The following EPN2 variants were observed in gnomAD, a reference collection of about 807,000 sequenced individuals.
EPN2 encodes epsin 2.
EPN2 carries 34 observed loss-of-function variants against 61.7 expected under a neutral mutation model. The ratio of observed to expected loss-of-function variants is 0.55; its 90% CI spans 0.42 to 0.73. The LOEUF is 0.73. Ranked by LOEUF, EPN2 falls within the 30% of genes least tolerant of loss-of-function variation. The pLI is 0.00. For missense variants in EPN2, 714 were observed against 839.2 expected, an observed-to-expected ratio of 0.85 and a Z score of 1.84; for synonymous variants, 349 against 353.6, an observed-to-expected ratio of 0.99 and a Z score of 0.15.
In EPN2 at chr17:19,283,242, C is replaced by G. The variant is rs115073761; in HGVS notation, c.123C>G (p.Thr41=). 1.2e-6 allele frequency: 2 copies of G among 1,614,128 alleles called. No individual in the cohort carries two copies. ...DPWGPSSSLM[T]EIADLTYNVV... is the part of the protein sequence containing the mutation. ...GGGGCCCGTCCAGTTCTCTGATGAC[C>G]GAGATTGCCGACCTGACCTACAACG... is the stretch of plus-strand genomic sequence containing the variant. The change falls in exon 3 of 11, where the codon ACC becomes ACG. Residue 41 remains threonine, a synonymous_variant. Coordinates refer to ENST00000314728, the MANE Select transcript of EPN2 (RefSeq NM_014964.5). This position sits in a 1 kb window ranked among gnomAD's most constrained non-coding sequence, Gnocchi z 7.0.
chr17:19,331,665 T>G (rs1295651039), intron 9 of EPN2, among the ~76,000 whole-genome samples, 188 bp from the exon 10 acceptor site: 1 of 152,256 alleles, frequency 6.6e-6, no homozygotes, highest in Admixed American at 6.5e-5. Context: ...GGTATTCTTC[T>G]GTTCCTGCAT....
At chr17:19,329,413 C>T in intron 8 of EPN2, 148 bp from the exon 9 acceptor site, 1 of 613,430 alleles carries the variant, frequency 1.6e-6, no homozygotes, top group Non-Finnish European at 2.9e-6. Context: ...TGTCTTGCCT[C>T]TTTGGCTCTC....
intron 1 of EPN2, among the ~76,000 whole-genome samples, chr17:19,261,180 C>T (rs2045137748): frequency 6.6e-6 from 1 of 152,208 alleles, no homozygotes; most frequent in African/African-American, 2.4e-5. Flanking sequence ...TGCCCAGTTG[C>T]CCTCTACAGG....
At chr17:19,247,125 G>T (rs2152200777) in intron 1 of EPN2, among the ~76,000 whole-genome samples, 1 of 152,206 alleles carries the variant, frequency 6.6e-6, no homozygotes, top group Non-Finnish European at 1.5e-5. Flanking sequence ...ACTATACTAT[G>T]GATGACAAAA....
intron 4 of EPN2, among the ~76,000 whole-genome samples, chr17:19,286,466 A>G (rs529876707): frequency 1.1e-4 from 16 of 152,316 alleles, no homozygotes; most frequent in Middle Eastern, 3.4e-3. Context: ...TTACAACTGT[A>G]GCAGGTTAAA....
At chr17:19,276,799 T>TG (rs1167068376) in intron 1 of EPN2, among the ~76,000 whole-genome samples, 2 of 147,544 alleles carry the variant, frequency 1.4e-5, no homozygotes, top group African/African-American at 5.3e-5. Flanking sequence ...TTTGCTGTAT[T>TG]GGGTCTAAAC....
intron 7 of EPN2, 105 bp downstream of exon 7, chr17:19,313,384 T>TG (rs1906241294): frequency 4.4e-6 from 5 of 1,128,908 alleles, no homozygotes; most frequent in Non-Finnish European, 6.1e-6. Flanking sequence ...TCGATTGTGG[T>TG]GGGTGTCCAG....
At chr17:19,325,662 C>G (rs546213916) in intron 7 of EPN2, among the ~76,000 whole-genome samples, 1 of 152,260 alleles carries the variant, frequency 6.6e-6, no homozygotes, top group East Asian at 1.9e-4. Flanking sequence ...CCTGTAACAT[C>G]AAGAGCAAGA....
At chr17:19,261,373 A>G (rs2045140130) in intron 1 of EPN2, among the ~76,000 whole-genome samples, 1 of 152,022 alleles carries the variant, frequency 6.6e-6, no homozygotes, top group Non-Finnish European at 1.5e-5. Context: ...ATGTTTAAGG[A>G]CCATTTATAG....
Position 19,334,309 on chromosome 17 carries a change from ACT to A in EPN2, c.*59_*60del, listed in dbSNP as rs1329415931. 1.5e-6 allele frequency: 2 copies of A among 1,334,316 alleles called. No homozygotes were observed. The highest frequency in any genetic ancestry group is 2.0e-5 in the South Asian group (1 of 49,304). 82.7% of individuals were successfully genotyped at this position (1,334,316 alleles called of 1,614,324 possible). A position where few individuals can be genotyped will look rare whatever the true frequency, so the allele number is the denominator to read the frequency against. On this transcript the variant is annotated 3_prime_UTR_variant, in exon 11 of 11. Coordinates refer to ENST00000314728, the MANE Select transcript of EPN2 (RefSeq NM_014964.5). This position sits in a 1 kb window ranked among gnomAD's most constrained non-coding sequence, Gnocchi z 4.9. ...CTGTGCTGGAGGATGCCGAGCAGGG[ACT>A]CTCGTCTGTGGGACGGGATCCAAGA...
At chr17:19,239,224 C>T (rs1458593781) in intron 1 of EPN2, among the ~76,000 whole-genome samples, 3 of 152,196 alleles carry the variant, frequency 2.0e-5, no homozygotes, top group Admixed American at 6.5e-5. Flanking sequence ...CTCGGCTCAC[C>T]GAAACCTCCG....
intron 4 of EPN2, among the ~76,000 whole-genome samples, chr17:19,295,358 A>ACGCGCG (rs559120143): frequency 3.2e-3 from 212 of 66,732 alleles, no homozygotes; most frequent in African/African-American, 6.1e-3. Context: ...ACACACACAC[A>ACGCGCG]CACACACACG....
chr17:19,273,212 C>G (rs1051787717), intron 1 of EPN2: 1 of 152,178 alleles, frequency 6.6e-6, no homozygotes, highest in African/African-American at 2.4e-5. Flanking sequence ...GAGCCTCTGC[C>G]TGGTCATCTC....
chr17:19,283,154 A>C lies in EPN2; in HGVS notation c.35A>C (p.Asn12Thr). The change falls in exon 3 of 11, where the codon AAC becomes ACC. Residue 12 changes from asparagine (N) to threonine (T), a missense_variant. Coordinates refer to ENST00000314728, the MANE Select transcript of EPN2 (RefSeq NM_014964.5). This position sits in a 1 kb window ranked among gnomAD's most constrained non-coding sequence, Gnocchi z 7.0. Reference protein sequence around the residue: ...TTSSIRRQMKNIVNNYSEAEI... With the variant: ...TTSSIRRQMKTIVNNYSEAEI... ...TCGTCTATCAGACGGCAGATGAAAA[A>C]CATCGTGAACAATTACTCAGAGGCA... 1 of 1,611,856 alleles carries C rather than the reference A, an allele frequency of 6.2e-7. No homozygotes were observed. Among genetic ancestry groups the C allele is most frequent in the Non-Finnish European group, 8.5e-7 (1 of 1,179,002 alleles).
intron 1 of EPN2, among the ~76,000 whole-genome samples, chr17:19,243,279 G>C (rs1246139706): frequency 5.3e-5 from 8 of 150,346 alleles, no homozygotes; most frequent in Admixed American, 5.3e-4. Flanking sequence ...GAGTGCGGTG[G>C]CGCGATCTTG....
chr17:19,250,590 A>G (rs1035954566), intron 1 of EPN2, among the ~76,000 whole-genome samples: 4 of 152,178 alleles, frequency 2.6e-5, no homozygotes, highest in African/African-American at 9.7e-5. Context: ...AACACTTGGC[A>G]GCCTGGGGCC....
At chr17:19,300,427 CTTTTTTTTT>C (rs72338416) in intron 4 of EPN2, among the ~76,000 whole-genome samples, 1 of 108,932 alleles carries the variant, frequency 9.2e-6, no homozygotes, top group Non-Finnish European at 1.7e-5. Flanking sequence ...AACTGTAAAT[CTTTTTTTTT>C]TTTTTTTTTT....
At chr17:19,311,628 A>G (rs573596565) in intron 5 of EPN2, among the ~76,000 whole-genome samples, 11 of 152,372 alleles carry the variant, frequency 7.2e-5, no homozygotes, top group African/African-American at 2.6e-4. Flanking sequence ...TTCCGGAAGC[A>G]TACACAGTGG....
chr17:19,334,002 G>T lies in EPN2; in HGVS notation c.1674G>T (p.Gln558His), dbSNP rs757856723. 6.3e-7 allele frequency: 1 copy of T among 1,588,740 alleles called. No individual in the cohort carries two copies. Among genetic ancestry groups the T allele is most frequent in the Non-Finnish European group, 8.6e-7 (1 of 1,164,626 alleles). The change falls in exon 11 of 11, where the codon CAG becomes CAT. Residue 558 changes from glutamine to histidine, a missense_variant. By Grantham distance (24) the Gln-to-His change is conservative. This residue lies in a region of EPN2 where 410 missense variants were observed against 421.8 expected (regional missense o/e 0.97). Coordinates refer to ENST00000314728, the MANE Select transcript of EPN2 (RefSeq NM_014964.5). This position sits in a 1 kb window ranked among gnomAD's most constrained non-coding sequence, Gnocchi z 4.9. ...SAPVNPFQVNQPQPLTLNQLR... is the reference protein window; with the variant it reads ...SAPVNPFQVNHPQPLTLNQLR... Reference sequence around the variant, plus strand: ...CTGTTAACCCTTTCCAGGTGAACCAGCCCCAGCCGCTGACACTGAACCAGC... The same window carrying T: ...CTGTTAACCCTTTCCAGGTGAACCATCCCCAGCCGCTGACACTGAACCAGC...
Sources: gnomAD v4.1 joint callset for allele counts (sites outside exome capture counted in the v4.1 genomes callset) on GRCh38, gnomAD v4.1.1 for gene constraint, gnomAD v4.1.1 regional missense constraint, Gnocchi (gnomAD v3.1) non-coding constraint, MANE v1.5 for transcripts, NCBI Gene and HGNC (gene_info 2026-07-23, HGNC 2026-07-21) for gene names.